NFIA: variants seen among roughly 807,000 people sequenced by gnomAD.
NFIA encodes nuclear factor 1 A-type.
In NFIA, 8 loss-of-function variants were observed where a neutral mutation model predicts 62.8. That is an observed-to-expected ratio of 0.13 (90% confidence interval 0.07 to 0.23). NFIA has a LOEUF of 0.23. Among genes scored for constraint, NFIA ranks in the 10% least tolerant of loss-of-function variants. The pLI is 1.00. For synonymous variants in NFIA, 235 were observed against 238.1 expected (o/e 0.99, Z 0.12); for missense variants, 410 against 642.1 (o/e 0.64, Z 3.91).
chr1:61,314,523 A>G (rs1660271038), intron 3 of NFIA, among the ~76,000 whole-genome samples: 1 of 152,208 alleles, frequency 6.6e-6, no homozygotes, highest in Admixed American at 6.5e-5. Flanking sequence ...ATAATGCACT[A>G]AATTATGATT....
intron 2 of NFIA, among the ~76,000 whole-genome samples, chr1:61,173,654 T>C (rs994493456): frequency 1.3e-4 from 20 of 152,256 alleles, no homozygotes; most frequent in African/African-American, 4.8e-4. Context: ...CCTCCCAAAG[T>C]GCTGGGATTA....
chr1:61,255,189 A>G (rs1460395024), intron 2 of NFIA, among the ~76,000 whole-genome samples: 1 of 152,220 alleles, frequency 6.6e-6, no homozygotes, highest in African/African-American at 2.4e-5. Context: ...AAAACAAAAC[A>G]AAACACCATA....
Position 61,236,157 on chromosome 1 carries a change from T to TA in NFIA, c.560-41349dup, listed in dbSNP as rs796914311. Among the ~76,000 whole-genome samples, 1,231 of 138,286 alleles carry TA rather than the reference T, an allele frequency of 8.9e-3. 7 individuals are homozygous for TA. The highest frequency in any genetic ancestry group is 0.021 in the East Asian group (102 of 4,846). The allele number at this position is 138,286 out of a possible 152,430, so 90.7% of individuals were successfully genotyped here. The stretch of plus-strand genomic sequence containing the variant: ...TATTGTTTTGGAGAAAAGTCCATCT[T>TA]AAAAAAAAAAAAAAGGTGGAAAGAG... On this transcript the variant is annotated intron_variant, in intron 2 of 10. Transcript: ENST00000403491.
chr1:61,252,057 A>G (rs1388375375), intron 2 of NFIA, among the ~76,000 whole-genome samples: 1 of 152,188 alleles, frequency 6.6e-6, no homozygotes, highest in Non-Finnish European at 1.5e-5. Flanking sequence ...GCTGGGAAAG[A>G]TGTCTTTTTC....
intron 2 of NFIA, among the ~76,000 whole-genome samples, chr1:61,122,838 C>T (rs186718944): frequency 1.2e-3 from 187 of 152,098 alleles, no homozygotes; most frequent in Middle Eastern, 3.4e-3. Context: ...TAAATGTGTG[C>T]CATGGTGGTT....
At chr1:61,298,604 C>T (rs928288321) in intron 3 of NFIA, among the ~76,000 whole-genome samples, 1 of 152,070 alleles carries the variant, frequency 6.6e-6, no homozygotes, top group Non-Finnish European at 1.5e-5. Context: ...ATTCCTGGCT[C>T]AGCTATTCAT....
chr1:61,274,058 A>G (rs1657669106), intron 2 of NFIA, among the ~76,000 whole-genome samples: 1 of 152,192 alleles, frequency 6.6e-6, no homozygotes, highest in Admixed American at 6.5e-5. Flanking sequence ...CTTGCATTGT[A>G]CAAGCGTTTG....
At chr1:61,324,462 C>T (rs973989167) in intron 3 of NFIA, among the ~76,000 whole-genome samples, 11 of 152,148 alleles carry the variant, frequency 7.2e-5, no homozygotes, top group South Asian at 2.1e-4. Context: ...CTTAACCAGA[C>T]GAGATTTGAT....
At chr1:61,077,376 G>A (rs561738532), upstream of NFIA, 36 of 377,066 alleles carry the variant, frequency 9.5e-5, no homozygotes, top group African/African-American at 6.0e-4. Flanking sequence ...GCGAGCGAGC[G>A]AGCGAGAGCG....
At chr1:61,220,320 A>T (rs1653939291) in intron 2 of NFIA, among the ~76,000 whole-genome samples, 1 of 152,156 alleles carries the variant, frequency 6.6e-6, no homozygotes, top group Non-Finnish European at 1.5e-5. Flanking sequence ...TGCCACTGGG[A>T]TACTTGATGC....
intron 6 of NFIA, among the ~76,000 whole-genome samples, chr1:61,364,020 C>T (rs1663451082): frequency 1.3e-5 from 2 of 151,500 alleles, no homozygotes; most frequent in Non-Finnish European, 2.9e-5. Flanking sequence ...GATCTCAGCT[C>T]ACTGCAACCT....
intron 4 of NFIA, among the ~76,000 whole-genome samples, chr1:61,348,329 A>G (rs958665629): frequency 4.5e-4 from 69 of 152,346 alleles, no homozygotes; most frequent in African/African-American, 1.5e-3. Flanking sequence ...TCTGTGAATT[A>G]CTAGGATTAT....
Position 61,442,606 on chromosome 1 carries a change from G to A in NFIA, c.1513-12697G>A, listed in dbSNP as rs145676309. ...GTAACATTAGCAGTTATGTTTAATA[G>A]GCTTCCTGTAGCAGCCCTTATTGGC... On this transcript the variant is annotated intron_variant, in intron 10 of 10. Transcript: ENST00000403491. Among the ~76,000 whole-genome samples the A allele has an allele frequency of 2.7e-4, 41 of 151,246 alleles. 1 individual carries two copies. In the East Asian group the frequency reaches 6.8e-3, roughly 25 times the overall value.
intron 10 of NFIA, among the ~76,000 whole-genome samples, chr1:61,443,190 C>T (rs1279577142): frequency 1.3e-5 from 2 of 152,190 alleles, no homozygotes; most frequent in South Asian, 4.1e-4. Context: ...AGGCCATGAT[C>T]TAGCACATGA....
chr1:61,259,581 G>A (rs1207736912), intron 2 of NFIA, among the ~76,000 whole-genome samples: 1 of 152,164 alleles, frequency 6.6e-6, no homozygotes, highest in East Asian at 1.9e-4. Context: ...TCTGCCAAGA[G>A]GAAGGGAAAG....
chr1:61,352,278 A>T (rs1288351513), intron 4 of NFIA, among the ~76,000 whole-genome samples, 172 bp from the exon 5 acceptor site: 1 of 152,234 alleles, frequency 6.6e-6, no homozygotes, highest in African/African-American at 2.4e-5. Flanking sequence ...TTTCCTGTAT[A>T]GACTATTTTT....
chr1:61,401,494 G>A (rs924661866), intron 7 of NFIA, among the ~76,000 whole-genome samples: 1 of 152,132 alleles, frequency 6.6e-6, no homozygotes, highest in African/African-American at 2.4e-5. Flanking sequence ...GTGCTTTTGA[G>A]TTATTTCTTC....
chr1:61,202,581 ATTT>A (rs767629290), intron 2 of NFIA, among the ~76,000 whole-genome samples: 6 of 152,194 alleles, frequency 3.9e-5, no homozygotes, highest in Non-Finnish European at 7.3e-5. Context: ...TAATATAAGT[ATTT>A]TTGTCATCCA....
intron 2 of NFIA, among the ~76,000 whole-genome samples, chr1:61,120,226 A>C (rs1358774871): frequency 6.6e-6 from 1 of 152,246 alleles, no homozygotes; most frequent in African/African-American, 2.4e-5. Flanking sequence ...AGAGTTTTAC[A>C]TAGTGTCTGT....
Sources: allele counts gnomAD v4.1 joint callset (sites outside exome capture counted in the v4.1 genomes callset), GRCh38; gene constraint gnomAD v4.1.1; transcripts MANE v1.5; gene names NCBI Gene and HGNC (gene_info 2026-07-23, HGNC 2026-07-21).